The following MACROD2 variants were observed in gnomAD, a reference collection of about 807,000 sequenced individuals.
MACROD2 encodes the protein ADP-ribose glycohydrolase MACROD2.
A neutral mutation model predicts 70.4 loss-of-function variants in MACROD2; 36 were observed. That is an observed-to-expected ratio of 0.51 (90% CI 0.39 to 0.68). The LOEUF is 0.68. MACROD2 is among the 30% of genes least tolerant of loss of function. The pLI is 0.00. For synonymous variants in MACROD2, 172 were observed against 178.8 expected (o/e 0.96, Z 0.30); for missense variants, 496 against 538.4 (o/e 0.92, Z 0.78).
rs1231687094 is a variant in MACROD2 at position 15,192,001 on chromosome 20, C to T, written c.419-37939C>T. ...AATAAATTATATAACTATATGTGCC[C>T]TCTATTAACTATGTATCTATCTATC... On this transcript the variant is annotated intron_variant, in intron 5 of 17. Coordinates refer to ENST00000684519, the MANE Select transcript of MACROD2 (RefSeq NM_001351661.2). 3.4e-5 allele frequency among the ~76,000 whole-genome samples: 5 copies of T among 145,920 alleles called. No individual in the cohort carries two copies. In the Admixed American group the frequency reaches 3.5e-4, roughly 10 times the overall value.
chr20:15,463,275 C>A, intron 7 of MACROD2, among the ~76,000 whole-genome samples: 1 of 152,068 alleles, frequency 6.6e-6, no homozygotes, highest in East Asian at 1.9e-4. Context: ...GGGTTCAGAG[C>A]AAAGAGTACT....
intron 3 of MACROD2, among the ~76,000 whole-genome samples, chr20:14,209,245 G>A (rs1207992184): frequency 1.3e-5 from 2 of 152,000 alleles, no homozygotes; most frequent in Admixed American, 1.3e-4. Flanking sequence ...ATTCTCTCTG[G>A]GTTCATGTTC....
At chr20:15,814,197 C>G (rs2147092467) in intron 8 of MACROD2, among the ~76,000 whole-genome samples, 1 of 152,292 alleles carries the variant, frequency 6.6e-6, no homozygotes. Context: ...TAACACTTTA[C>G]TATGCTCCAC....
At chr20:15,267,792 G>C (rs1021556976) in intron 6 of MACROD2, among the ~76,000 whole-genome samples, 1 of 152,176 alleles carries the variant, frequency 6.6e-6, no homozygotes, top group Non-Finnish European at 1.5e-5. Flanking sequence ...GGAAGTTCCT[G>C]CCAGTTGCGG....
intron 7 of MACROD2, among the ~76,000 whole-genome samples, chr20:15,487,706 G>T (rs2047179930): frequency 6.6e-6 from 1 of 152,112 alleles, no homozygotes; most frequent in South Asian, 2.1e-4. Context: ...GAAAAGGAAA[G>T]ATTCTCCATG....
At chr20:14,303,168 A>G (rs1309759025) in intron 3 of MACROD2, among the ~76,000 whole-genome samples, 2 of 151,956 alleles carry the variant, frequency 1.3e-5, no homozygotes, top group East Asian at 1.9e-4. Flanking sequence ...TATCTTTTCA[A>G]TTTTCTTGCT....
At chr20:15,342,409 A>G (rs1568734778) in intron 6 of MACROD2, among the ~76,000 whole-genome samples, 1 of 152,038 alleles carries the variant, frequency 6.6e-6, no homozygotes, top group Non-Finnish European at 1.5e-5. Context: ...TTTTGTGTTC[A>G]TTAGTTGGAG....
At chr20:14,511,036 T>C (rs2085023963) in intron 4 of MACROD2, among the ~76,000 whole-genome samples, 1 of 152,066 alleles carries the variant, frequency 6.6e-6, no homozygotes, top group South Asian at 2.1e-4. Flanking sequence ...CTTATGTGAT[T>C]GCTCTATTCC....
chr20:14,905,072 T>G (rs1482878440), intron 5 of MACROD2: 1 of 152,072 alleles, frequency 6.6e-6, no homozygotes, highest in East Asian at 1.9e-4. Flanking sequence ...TGTTAAAGAG[T>G]TTGCCACCTG....
rs537440041 is a variant in MACROD2, at chr20:14,697,855, G to A, written c.418+12896G>A. Among the ~76,000 whole-genome samples, 42 of 152,214 alleles carry A rather than the reference G, an allele frequency of 2.8e-4. 1 individual carries two copies. The highest frequency in any genetic ancestry group is 9.6e-4 in the African/African-American group (40 of 41,540). ...AAAGAAATCTGGAAATTGCTTTTCT[G>A]GCAACTGACACCAGTTTCTAGGCAG... On this transcript the variant is annotated intron_variant, in intron 5 of 17. Coordinates refer to ENST00000684519, the MANE Select transcript of MACROD2 (RefSeq NM_001351661.2).
intron 5 of MACROD2, among the ~76,000 whole-genome samples, chr20:15,128,304 T>C (rs547861182): frequency 1.3e-5 from 2 of 152,186 alleles, no homozygotes; most frequent in East Asian, 3.9e-4. Context: ...TTTTCGAGAA[T>C]TGTTTCTTTC....
intron 12 of MACROD2, among the ~76,000 whole-genome samples, chr20:15,947,539 T>C (rs956123788): frequency 6.6e-6 from 1 of 152,184 alleles, no homozygotes; most frequent in African/African-American, 2.4e-5. Context: ...GGGGCAAAGT[T>C]ACAGATTAAC....
intron 5 of MACROD2, among the ~76,000 whole-genome samples, chr20:14,720,823 A>T (rs2071459514): frequency 6.6e-6 from 1 of 151,842 alleles, no homozygotes; most frequent in Non-Finnish European, 1.5e-5. Flanking sequence ...ATGTGCTGGG[A>T]TTACAGGCAG....
intron 5 of MACROD2, among the ~76,000 whole-genome samples, chr20:15,054,079 T>G (rs2075463798): frequency 6.6e-6 from 1 of 152,020 alleles, no homozygotes; most frequent in African/African-American, 2.4e-5. Flanking sequence ...GATGAGGGAA[T>G]TGCTTCTTAC....
At chr20:15,176,180 G>C (rs911313565) in intron 5 of MACROD2, among the ~76,000 whole-genome samples, 1 of 152,218 alleles carries the variant, frequency 6.6e-6, no homozygotes, top group African/African-American at 2.4e-5. Flanking sequence ...GGAAGCAAAG[G>C]AGGGGCTGAG....
At chr20:15,519,123 CT>C (rs1395356572) in intron 8 of MACROD2, among the ~76,000 whole-genome samples, 1 of 136,886 alleles carries the variant, frequency 7.3e-6, no homozygotes, top group African/African-American at 2.7e-5. Flanking sequence ...TCCTTCCTTT[CT>C]TTCTTTCTTT....
intron 5 of MACROD2, among the ~76,000 whole-genome samples, chr20:14,966,257 A>G (rs150060484): frequency 1.3e-5 from 2 of 152,300 alleles, no homozygotes; most frequent in African/African-American, 4.8e-5. Context: ...ATAGTAAAGC[A>G]TGCTAATCTT....
chr20:15,315,012 A>C (rs1367478826), intron 6 of MACROD2, among the ~76,000 whole-genome samples: 2 of 152,352 alleles, frequency 1.3e-5, no homozygotes, highest in East Asian at 3.9e-4. Context: ...GGAGTGCCCT[A>C]ACACAGAGCT....
At chr20:15,732,663 T>TGTG (rs3071371) in intron 8 of MACROD2, among the ~76,000 whole-genome samples, 145,834 of 152,200 alleles carry the variant, frequency 0.96, 70,035 homozygotes, top group Non-Finnish European at 0.97. Context: ...TCTACTCAGT[T>TGTG]GTGTATAATT....
Sources: gnomAD v4.1 joint callset for allele counts (sites outside exome capture counted in the v4.1 genomes callset) on GRCh38, gnomAD v4.1.1 for gene constraint, MANE v1.5 for transcripts, NCBI Gene and HGNC (gene_info 2026-07-23, HGNC 2026-07-21) for gene names.